Variants in LNX1 observed in about 807,000 individuals in gnomAD.
The protein encoded by LNX1 is ligand of numb-protein X 1, also known as E3 ubiquitin-protein ligase LNX.
LNX1 carries 54 observed loss-of-function variants against 68.4 expected under a neutral mutation model. The ratio of observed to expected loss-of-function variants is 0.79; its 90% CI spans 0.63 to 0.99. The LOEUF (loss-of-function observed/expected upper bound fraction) is 0.99, where lower values mean the gene tolerates loss of function less well. LNX1 is among the 50% of genes least tolerant of loss of function. The pLI is 0.00. For synonymous variants in LNX1, 336 were observed against 350.0 expected (o/e 0.96, Z 0.45); for missense variants, 906 against 926.4 (o/e 0.98, Z 0.29).
At chr4:53,536,786 T>C (rs1046889513) in intron 2 of LNX1, among the ~76,000 whole-genome samples, 10 of 152,228 alleles carry the variant, frequency 6.6e-5, no homozygotes, top group Non-Finnish European at 1.3e-4. Flanking sequence ...TCTCTTCCTC[T>C]TCTCAATTCT....
intron 2 of LNX1, among the ~76,000 whole-genome samples, chr4:53,572,207 G>A (rs1230848890): frequency 3.3e-5 from 5 of 151,830 alleles, no homozygotes; most frequent in Admixed American, 2.0e-4. Context: ...TCCCACCAAC[G>A]TCTCCCATAC....
intron 2 of LNX1, among the ~76,000 whole-genome samples, chr4:53,515,242 CAG>C (rs373035833): frequency 1.5e-4 from 23 of 152,204 alleles, no homozygotes; most frequent in African/African-American, 5.1e-4. Flanking sequence ...CAAGACACAT[CAG>C]CTCTGCCTTG....
At chr4:53,487,928 ACTGT>A (rs1302508435) in intron 6 of LNX1, among the ~76,000 whole-genome samples, 2 of 152,144 alleles carry the variant, frequency 1.3e-5, no homozygotes, top group African/African-American at 4.8e-5. Flanking sequence ...CTCTTTCTAC[ACTGT>A]CTGTGGTTGC....
rs750292841 is a variant in LNX1 at position 53,496,242 on chromosome 4, A to G, written c.1131T>C (p.Asp377=). The G allele has an allele frequency of 1.9e-5, 30 of 1,613,776 alleles. No individual in the cohort carries two copies. The East Asian group carries it at 6.0e-4, about 32-fold the overall frequency. ...GQAPDAYRPR[D]DSFHVILNKS... The stretch of plus-strand genomic sequence containing the variant: ...TGTTGAGAATCACATGAAAGCTGTC[A>G]TCTCGGGGTCTGTAGGCATCCGGGG... The change falls in exon 6 of 11, where the codon GAT becomes GAC. Residue 377 remains aspartate, a synonymous_variant. Transcript: ENST00000263925.
chr4:53,499,039 T>C (rs535641298), intron 4 of LNX1, among the ~76,000 whole-genome samples, 196 bp from the exon 5 acceptor site: 2 of 152,324 alleles, frequency 1.3e-5, no homozygotes, highest in Non-Finnish European at 2.9e-5. Context: ...ACCCAATTTT[T>C]CCTTCAAGGC....
chr4:53,574,062 G>C lies in LNX1; in HGVS notation c.-60C>G, dbSNP rs1409606407. On this transcript the variant is annotated 5_prime_UTR_variant, in exon 2 of 11. Transcript: ENST00000263925. ...TCACACAATATTTCCTCAGGAGCAA[G>C]TCAAGATCTAGGAGACATCCACACA... 6.5e-7 allele frequency: 1 copy of C among 1,547,822 alleles called. No homozygotes were observed. The highest frequency in any genetic ancestry group is 1.4e-5 in the African/African-American group (1 of 73,252).
At chr4:53,472,688 A>AACAAC (rs1560614549) in intron 9 of LNX1, among the ~76,000 whole-genome samples, 1 of 122,272 alleles carries the variant, frequency 8.2e-6, no homozygotes, top group African/African-American at 3.0e-5. Context: ...ACAACAACAA[A>AACAAC]AAAAAAAAAA....
rs768187046 is a variant in LNX1, at chr4:53,460,903, G to T, written c.*4C>A. On this transcript the variant is annotated 3_prime_UTR_variant, in exon 11 of 11. Transcript: ENST00000263925. The stretch of plus-strand genomic sequence containing the variant: ...TTCTGTTTTCCTCTGACCCATCATT[G>T]ATTCTATAAAAAAGTGCCAGGCCAA... 6.2e-7 allele frequency: 1 copy of T among 1,606,738 alleles called. No individual in the cohort carries two copies. The highest frequency in any genetic ancestry group is 1.3e-5 in the African/African-American group (1 of 74,444).
At chr4:53,516,906 C>G (rs1295047692) in intron 2 of LNX1, among the ~76,000 whole-genome samples, 1 of 151,756 alleles carries the variant, frequency 6.6e-6, no homozygotes, top group East Asian at 1.9e-4. Context: ...ACAGAGGGCT[C>G]GCAGTCAGCT....
At chr4:53,630,138 T>C (rs1292046021) in intron 1 of LNX1, among the ~76,000 whole-genome samples, 1 of 152,098 alleles carries the variant, frequency 6.6e-6, no homozygotes, top group Non-Finnish European at 1.5e-5. Context: ...AAGTTTTCCC[T>C]TTACCCTGTG....
intron 1 of LNX1, among the ~76,000 whole-genome samples, chr4:53,645,931 C>G (rs1734869893): frequency 6.6e-6 from 1 of 152,170 alleles, no homozygotes; most frequent in Admixed American, 6.5e-5. Context: ...TCTTATAAAG[C>G]TGATATACTC....
At position 53,496,275 on chromosome 4, in the gene LNX1, A is replaced by C; in HGVS notation, c.1098T>G (p.Asn366Lys). Residue 366 changes from asparagine (N) to lysine (K), a missense_variant, in exon 6 of 11, where the codon AAT becomes AAG. Physicochemically the swap from Asn to Lys is moderately conservative, Grantham distance 94. Coordinates refer to ENST00000263925, the MANE Select transcript of LNX1 (RefSeq NM_001126328.3). ...GTCTGTAGGCATCCGGGGCCTGTCC[A>C]TTGTTCCTGCTGCGGAACTTCTGTT... ...MREQKFRSRN[N>K]GQAPDAYRPR... The C allele has an allele frequency of 6.2e-7, 1 of 1,614,112 alleles. No individual in the cohort carries two copies.
Position 53,460,661 on chromosome 4 carries a change from G to GA in LNX1, c.*245dup, listed in dbSNP as rs1182549777. 7.9e-6 allele frequency: 3 copies of GA among 381,830 alleles called. No individual in the cohort carries two copies. The highest frequency in any genetic ancestry group is 4.5e-5 in the South Asian group (1 of 22,174). The allele number at this position is 381,830 out of a possible 1,614,324, so 23.7% of individuals were successfully genotyped here. A position where few individuals can be genotyped will look rare whatever the true frequency, so the allele number is the denominator to read the frequency against. On this transcript the variant is annotated 3_prime_UTR_variant, in exon 11 of 11. Coordinates refer to ENST00000263925, the MANE Select transcript of LNX1 (RefSeq NM_001126328.3). ...TTGTTTTAGGGCTTTTTATTGAATA[G>GA]AAAAAATATAAACAATGTTGTAGAG...
intron 2 of LNX1, among the ~76,000 whole-genome samples, chr4:53,525,613 C>G (rs1361366877): frequency 6.6e-6 from 1 of 152,214 alleles, no homozygotes; most frequent in East Asian, 1.9e-4. Flanking sequence ...AAAGAGAGAA[C>G]TGTCAGGCCA....
intron 6 of LNX1, 39 bp downstream of exon 6, chr4:53,495,984 G>T (rs1465804054): frequency 6.3e-7 from 1 of 1,585,460 alleles, no homozygotes; most frequent in Non-Finnish European, 8.6e-7. Context: ...CTCATGTCCG[G>T]GGTTTCTGAC....
rs151101975 is a variant in LNX1 at position 53,551,825 on chromosome 4, C to A, written c.380+21798G>T. 6.6e-5 allele frequency among the ~76,000 whole-genome samples: 10 copies of A among 152,276 alleles called. No homozygotes were observed. The East Asian group carries it at 1.7e-3, about 26-fold the overall frequency. ...AAACTTGCCTTGGCCTCTCACCCTG[C>A]CTTATGACCCTTGGTTAAAAATTCT... On this transcript the variant is annotated intron_variant, in intron 2 of 10. Coordinates refer to ENST00000263925, the MANE Select transcript of LNX1 (RefSeq NM_001126328.3).
At chr4:53,468,044 T>G (rs1413380361) in intron 9 of LNX1, among the ~76,000 whole-genome samples, 1 of 152,140 alleles carries the variant, frequency 6.6e-6, no homozygotes, top group Non-Finnish European at 1.5e-5. Flanking sequence ...AATTGTCAGA[T>G]TCACCAAAGT....
At position 53,459,575 on chromosome 4, in the gene LNX1, C is replaced by CT. The variant is rs750952262; in HGVS notation, c.*1331dup. Reference sequence around the variant, plus strand: ...TCTGTTTGTTAGTATGAAAAGTTAACTTTTTTTCCAAAATAAAAGAGTGAA... The same window carrying CT: ...TCTGTTTGTTAGTATGAAAAGTTAACTTTTTTTTCCAAAATAAAAGAGTGAA... On this transcript the variant is annotated 3_prime_UTR_variant, in exon 11 of 11. Coordinates refer to ENST00000263925, the MANE Select transcript of LNX1 (RefSeq NM_001126328.3). The CT allele has an allele frequency of 5.1e-6, 7 of 1,368,250 alleles. No homozygotes were observed. Among genetic ancestry groups the CT allele is most frequent in the Middle Eastern group, 2.0e-4 (1 of 5,000 alleles). 84.8% of individuals were successfully genotyped at this position (1,368,250 alleles called of 1,614,324 possible).
At chr4:53,575,755 G>A (rs1731444612) in intron 1 of LNX1, 2 of 1,556,178 alleles carry the variant, frequency 1.3e-6, no homozygotes, top group Admixed American at 1.9e-5. Context: ...GCATCATCCT[G>A]GTGGTAGTCA....
Sources: allele counts gnomAD v4.1 joint callset (sites outside exome capture counted in the v4.1 genomes callset), GRCh38; gene constraint gnomAD v4.1.1; transcripts MANE v1.5; gene names NCBI Gene and HGNC (gene_info 2026-07-23, HGNC 2026-07-21).